Variants in CMTM4 observed in about 807,000 individuals in gnomAD.
The protein encoded by CMTM4 is CKLF like MARVEL transmembrane domain containing 4.
In CMTM4, 8 loss-of-function variants were observed where a neutral mutation model predicts 19.0. The observed-to-expected ratio is 0.42, with a 90% CI of 0.25 to 0.76. CMTM4 has a LOEUF of 0.76. Among genes scored for constraint, CMTM4 ranks in the 30% least tolerant of loss-of-function variants. The pLI is 0.27. For missense variants in CMTM4, 228 were observed against 290.2 expected (o/e 0.79, Z 1.56); for synonymous variants, 106 against 121.1 (o/e 0.88, Z 0.82).
Position 66,621,578 on chromosome 16 carries a change from G to A in CMTM4, c.*480C>T. 4.0e-6 allele frequency: 4 copies of A among 989,340 alleles called. No homozygotes were observed. Among genetic ancestry groups the A allele is most frequent in the Middle Eastern group, 5.2e-4 (1 of 1,922 alleles). The allele number at this position is 989,340 out of a possible 1,614,324, so 61.3% of individuals were successfully genotyped here. ...CTGGTGCTGGCTGCCTGGGGGCCCTGGCATGGAAGATGAGGAGTGGGCTGG... is the reference window on the plus strand; with the variant it reads ...CTGGTGCTGGCTGCCTGGGGGCCCTAGCATGGAAGATGAGGAGTGGGCTGG... On this transcript the variant is annotated 3_prime_UTR_variant, in exon 4 of 4. Coordinates refer to ENST00000394106, the MANE Select transcript of CMTM4 (RefSeq NM_181521.3).
intron 1 of CMTM4, among the ~76,000 whole-genome samples, chr16:66,677,882 G>A (rs1440552921): frequency 6.6e-6 from 1 of 152,100 alleles, no homozygotes; most frequent in Non-Finnish European, 1.5e-5. Context: ...TTATATTTTG[G>A]AGTTTGGGTT....
chr16:66,694,333 C>T (rs2017191425), intron 1 of CMTM4, among the ~76,000 whole-genome samples: 1 of 151,996 alleles, frequency 6.6e-6, no homozygotes, highest in African/African-American at 2.4e-5. Context: ...TGACCAAGCC[C>T]TGCTCTTTTC....
In CMTM4 at chr16:66,618,555, A is replaced by C. The variant is rs1213862056; in HGVS notation, c.*3503T>G. 1.0e-6 allele frequency: 1 copy of C among 985,378 alleles called. No homozygotes were observed. The highest frequency in any genetic ancestry group is 1.2e-6 in the Non-Finnish European group (1 of 829,974). 61.0% of individuals were successfully genotyped at this position (985,378 alleles called of 1,614,324 possible). A position where few individuals can be genotyped will look rare whatever the true frequency, so the allele number is the denominator to read the frequency against. The stretch of plus-strand genomic sequence containing the variant: ...GGGTTTCTCATGTGAATCTACAAGA[A>C]AAGGTACGCCTGGGCCACACGCAGG... On this transcript the variant is annotated 3_prime_UTR_variant, in exon 4 of 4. Coordinates refer to ENST00000394106, the MANE Select transcript of CMTM4 (RefSeq NM_181521.3).
At chr16:66,626,449 C>CA (rs779746547) in intron 2 of CMTM4, among the ~76,000 whole-genome samples, 1 of 152,100 alleles carries the variant, frequency 6.6e-6, no homozygotes, top group Non-Finnish European at 1.5e-5. Flanking sequence ...TACTAAAACA[C>CA]AAAAAATTAG....
intron 1 of CMTM4, among the ~76,000 whole-genome samples, chr16:66,651,460 C>A (rs1046176253): frequency 6.6e-6 from 1 of 152,188 alleles, no homozygotes; most frequent in Non-Finnish European, 1.5e-5. Context: ...CAGGGCTCTG[C>A]ACCAGGCACA....
intron 1 of CMTM4, among the ~76,000 whole-genome samples, chr16:66,637,363 G>A (rs2016013688): frequency 6.6e-6 from 1 of 152,020 alleles, no homozygotes; most frequent in African/African-American, 2.4e-5. Context: ...TGACCAACAT[G>A]GAGAAACCCC....
downstream of CMTM4, chr16:66,612,793 C>T (rs750574791): frequency 1.2e-4 from 83 of 710,974 alleles, no homozygotes; most frequent in South Asian, 1.5e-3. The surrounding 1 kb of genome is among the most constrained non-coding windows in gnomAD (Gnocchi z 6.0). Flanking sequence ...CTGCCTGAGC[C>T]CAGCCTACCA....
chr16:66,610,101 T>A, downstream of CMTM4: 3 of 1,469,088 alleles, frequency 2.0e-6, no homozygotes, highest in Non-Finnish European at 2.8e-6. The surrounding 1 kb of genome is among the most constrained non-coding windows in gnomAD (Gnocchi z 4.6). Flanking sequence ...GATCATTTCC[T>A]CTCTCCCCAT....
In CMTM4 at chr16:66,670,808, AAAGT is replaced by A. The variant is rs1320720315; in HGVS notation, c.186+25528_186+25531del. Among the ~76,000 whole-genome samples the A allele has an allele frequency of 1.1e-4, 17 of 152,232 alleles. No homozygotes were observed. The East Asian group carries it at 2.7e-3, about 24-fold the overall frequency. On this transcript the variant is annotated intron_variant, in intron 1 of 3. Transcript: ENST00000394106. The stretch of plus-strand genomic sequence containing the variant: ...AGCAAGACTCCATATAAAAAAAAAA[AAAGT>A]AATAATGTAAATCTGTAATTTCAAA...
chr16:66,638,636 A>G (rs568410363), intron 1 of CMTM4, among the ~76,000 whole-genome samples: 108 of 152,314 alleles, frequency 7.1e-4, no homozygotes, highest in African/African-American at 2.5e-3. Flanking sequence ...AGGCAGGTGG[A>G]TCACCTGAGG....
intron 1 of CMTM4, among the ~76,000 whole-genome samples, chr16:66,680,962 T>C (rs1369501918): frequency 1.3e-5 from 2 of 152,090 alleles, no homozygotes; most frequent in African/African-American, 4.8e-5. Flanking sequence ...TCAAAGCCAT[T>C]GCACACACCT....
intron 1 of CMTM4, among the ~76,000 whole-genome samples, chr16:66,690,620 A>G (rs1435667879): frequency 1.3e-5 from 2 of 152,144 alleles, no homozygotes; most frequent in African/African-American, 2.4e-5. Context: ...AGATGCCATT[A>G]CCCACCCCTG....
At chr16:66,609,629 C>T in the CMTM4 span, 4 of 1,514,396 alleles carry the variant, frequency 2.6e-6, no homozygotes, top group Non-Finnish European at 3.6e-6. This position sits in a 1 kb window ranked among gnomAD's most constrained non-coding sequence, Gnocchi z 4.4. Context: ...TGGGGCCCCC[C>T]TGGGGTCTCA....
downstream of CMTM4, chr16:66,609,942 C>T (rs777839983): frequency 1.7e-5 from 28 of 1,614,038 alleles, no homozygotes; most frequent in Non-Finnish European, 1.9e-5. This position sits in a 1 kb window ranked among gnomAD's most constrained non-coding sequence, Gnocchi z 4.4. Flanking sequence ...TCTTTAACGA[C>T]GTGGCCAAAT....
chr16:66,640,264 C>T (rs991200568), intron 1 of CMTM4, among the ~76,000 whole-genome samples: 1 of 152,170 alleles, frequency 6.6e-6, no homozygotes, highest in Non-Finnish European at 1.5e-5. Context: ...CGCGCCACTA[C>T]ACTGCACTCC....
chr16:66,684,702 A>G (rs1410106779), intron 1 of CMTM4, among the ~76,000 whole-genome samples: 1 of 152,214 alleles, frequency 6.6e-6, no homozygotes, highest in East Asian at 1.9e-4. Flanking sequence ...TAGTTTCCAA[A>G]TACTTAAACA....
intron 1 of CMTM4, among the ~76,000 whole-genome samples, chr16:66,675,093 T>A (rs1384645588): frequency 6.6e-6 from 1 of 150,982 alleles, no homozygotes; most frequent in Non-Finnish European, 1.5e-5. Context: ...TTTAATTTTT[T>A]TTTTTGAGAC....
At chr16:66,665,262 TAAAAAAAAAA>T (rs71145929) in intron 1 of CMTM4, among the ~76,000 whole-genome samples, 3 of 59,710 alleles carry the variant, frequency 5.0e-5, no homozygotes, top group Non-Finnish European at 3.3e-5. Context: ...CCCTGTTTCT[TAAAAAAAAAA>T]AAAAAAAAAA....
the CMTM4 span, among the ~76,000 whole-genome samples, chr16:66,600,637 CCTTT>C: frequency 8.7e-5 from 13 of 150,062 alleles, no homozygotes; most frequent in Non-Finnish European, 1.5e-5. Flanking sequence ...TTGGCTCAGT[CCTTT>C]CTTTGACACT....
Sources: allele counts gnomAD v4.1 joint callset (sites outside exome capture counted in the v4.1 genomes callset), GRCh38; gene constraint gnomAD v4.1.1; non-coding constraint Gnocchi (gnomAD v3.1); transcripts MANE v1.5; gene names NCBI Gene and HGNC (gene_info 2026-07-23, HGNC 2026-07-21).